Variants in ARHGAP42 observed in about 807,000 individuals in gnomAD.
The protein encoded by ARHGAP42 is rho GTPase-activating protein 42.
A neutral mutation model predicts 125.0 loss-of-function variants in ARHGAP42; 63 were observed. The observed-to-expected ratio is 0.50, with a 90% CI of 0.41 to 0.62. The LOEUF (loss-of-function observed/expected upper bound fraction) is 0.62, where lower values mean the gene tolerates loss of function less well. Among genes scored for constraint, ARHGAP42 ranks in the 20% least tolerant of loss-of-function variants. The pLI is 0.00. For missense variants in ARHGAP42, 766 were observed against 1,024.2 expected (o/e 0.75, Z 3.44); for synonymous variants, 339 against 351.0 (o/e 0.97, Z 0.38).
chr11:100,864,186 G>A (rs1286547630), intron 4 of ARHGAP42, among the ~76,000 whole-genome samples: 1 of 148,494 alleles, frequency 6.7e-6, no homozygotes, highest in African/African-American at 2.5e-5. Flanking sequence ...TATGTCTGAG[G>A]ATTTTTTTTT....
At chr11:100,775,748 C>T (rs1323993507) in intron 2 of ARHGAP42, among the ~76,000 whole-genome samples, 1 of 152,136 alleles carries the variant, frequency 6.6e-6, no homozygotes, top group African/African-American at 2.4e-5. Context: ...GAATTTTTAA[C>T]CACACCAAAG....
chr11:100,856,230 CGTT>C (rs2135135370), intron 3 of ARHGAP42, among the ~76,000 whole-genome samples: 1 of 152,202 alleles, frequency 6.6e-6, no homozygotes, highest in Admixed American at 6.6e-5. Context: ...TTGTCACCAT[CGTT>C]GTACTCTAAT....
At chr11:100,826,969 T>G (rs547757129) in intron 3 of ARHGAP42, among the ~76,000 whole-genome samples, 1 of 151,972 alleles carries the variant, frequency 6.6e-6, no homozygotes, top group South Asian at 2.1e-4. Flanking sequence ...TGAGAAGGGT[T>G]TTTTGGGTGA....
At chr11:100,798,531 A>T (rs1863775615) in intron 3 of ARHGAP42, among the ~76,000 whole-genome samples, 1 of 152,196 alleles carries the variant, frequency 6.6e-6, no homozygotes, top group Non-Finnish European at 1.5e-5. Context: ...AATACTTTTA[A>T]ATTAAGGTAT....
intron 4 of ARHGAP42, among the ~76,000 whole-genome samples, chr11:100,879,121 T>C (rs1159898281): frequency 6.6e-6 from 1 of 152,106 alleles, no homozygotes; most frequent in Admixed American, 6.5e-5. Context: ...TAGGATCTTA[T>C]TAGAAATGCA....
At chr11:100,982,927 A>G (rs963056432) in intron 22 of ARHGAP42, among the ~76,000 whole-genome samples, 5 of 152,238 alleles carry the variant, frequency 3.3e-5, no homozygotes, top group African/African-American at 7.2e-5. Flanking sequence ...AGAAATCACC[A>G]TAACACCCAT....
chr11:100,934,251 C>T (rs182664367), intron 7 of ARHGAP42, among the ~76,000 whole-genome samples: 14 of 152,126 alleles, frequency 9.2e-5, no homozygotes, highest in African/African-American at 3.4e-4. Context: ...TTCAAAATAA[C>T]TGCTTTAAAA....
intron 2 of ARHGAP42, among the ~76,000 whole-genome samples, chr11:100,785,526 G>A (rs1169846833): frequency 1.3e-5 from 2 of 152,172 alleles, no homozygotes; most frequent in African/African-American, 4.8e-5. Flanking sequence ...AGGTTAAGAG[G>A]TTGTGGAAAA....
At chr11:100,698,627 G>T (rs1162250285) in intron 1 of ARHGAP42, among the ~76,000 whole-genome samples, 1 of 152,144 alleles carries the variant, frequency 6.6e-6, no homozygotes, top group Non-Finnish European at 1.5e-5. Context: ...GTTGCGGTGA[G>T]CCCAGATCGT....
At chr11:100,744,557 T>TGTGTGTGC (rs1555113082) in intron 1 of ARHGAP42, among the ~76,000 whole-genome samples, 7 of 150,552 alleles carry the variant, frequency 4.6e-5, no homozygotes, top group South Asian at 2.1e-4. Context: ...TGTGTGTGTG[T>TGTGTGTGC]GTGTGTGCGT....
chr11:100,721,332 G>A lies in ARHGAP42; in HGVS notation c.154+33500G>A, dbSNP rs113130369. On this transcript the variant is annotated intron_variant, in intron 1 of 23. Transcript: ENST00000298815. ...TGTTTTGTTTTAAACTGCTTCTATCGTTTTGCCTTTCCCAGAATGTCATAC... is the reference window on the plus strand; with the variant it reads ...TGTTTTGTTTTAAACTGCTTCTATCATTTTGCCTTTCCCAGAATGTCATAC... Among the ~76,000 whole-genome samples, 892 of 152,100 alleles carry A rather than the reference G, an allele frequency of 5.9e-3. 7 individuals are homozygous for A. The highest frequency in any genetic ancestry group is 0.02 in the Middle Eastern group (6 of 294).
At chr11:100,775,887 C>T (rs1052023777) in intron 2 of ARHGAP42, among the ~76,000 whole-genome samples, 4 of 152,094 alleles carry the variant, frequency 2.6e-5, no homozygotes, top group South Asian at 4.1e-4. Flanking sequence ...TGGCCGGGTA[C>T]GGTGGCTCAC....
intron 4 of ARHGAP42, among the ~76,000 whole-genome samples, chr11:100,906,700 G>C (rs115600372): frequency 0.014 from 2,126 of 151,876 alleles, 51 homozygotes; most frequent in African/African-American, 0.049. Context: ...CCTTCTTTAT[G>C]TTTTAAAACT....
chr11:100,741,349 T>C (rs867813645), intron 1 of ARHGAP42, among the ~76,000 whole-genome samples: 8 of 144,382 alleles, frequency 5.5e-5, no homozygotes, highest in Non-Finnish European at 6.3e-5. Flanking sequence ...CTTATTCTTA[T>C]AGTTAGTGAA....
At chr11:100,872,319 T>C (rs1053138775) in intron 4 of ARHGAP42, among the ~76,000 whole-genome samples, 1 of 152,224 alleles carries the variant, frequency 6.6e-6, no homozygotes, top group Non-Finnish European at 1.5e-5. Flanking sequence ...ATCCTTTCCT[T>C]GCCTAGTAGA....
chr11:100,697,188 T>C (rs1353410427), intron 1 of ARHGAP42, among the ~76,000 whole-genome samples: 1 of 151,676 alleles, frequency 6.6e-6, no homozygotes, highest in Non-Finnish European at 1.5e-5. Flanking sequence ...TTGGTTTTTT[T>C]TTTTGTTTTT....
At chr11:100,882,026 A>G (rs1289802434) in intron 4 of ARHGAP42, among the ~76,000 whole-genome samples, 1 of 152,144 alleles carries the variant, frequency 6.6e-6, no homozygotes, top group Non-Finnish European at 1.5e-5. Flanking sequence ...ATACAGTCAT[A>G]TCATCAGCAA....
intron 2 of ARHGAP42, among the ~76,000 whole-genome samples, chr11:100,786,874 C>A (rs1288890711): frequency 1.3e-5 from 2 of 152,090 alleles, no homozygotes; most frequent in African/African-American, 4.8e-5. Context: ...CAAATCTCAT[C>A]TGGAATTATA....
chr11:100,796,489 G>T (rs1863719121), intron 3 of ARHGAP42, among the ~76,000 whole-genome samples: 1 of 152,162 alleles, frequency 6.6e-6, no homozygotes, highest in African/African-American at 2.4e-5. Context: ...TAAGCCAAAA[G>T]GTAGAACTGA....
Sources: gnomAD v4.1 joint callset for allele counts (sites outside exome capture counted in the v4.1 genomes callset) on GRCh38, gnomAD v4.1.1 for gene constraint, MANE v1.5 for transcripts, NCBI Gene and HGNC (gene_info 2026-07-23, HGNC 2026-07-21) for gene names.